FSTL5: variants seen among roughly 807,000 people sequenced by gnomAD.
The protein encoded by FSTL5 is follistatin-related protein 5.
In FSTL5, 62 loss-of-function variants were observed where a neutral mutation model predicts 89.1. The ratio of observed to expected loss-of-function variants is 0.70; its 90% CI spans 0.57 to 0.86. FSTL5 has a LOEUF of 0.86. Ranked by LOEUF, FSTL5 falls within the 40% of genes least tolerant of loss-of-function variation. The pLI is 0.00. For synonymous variants in FSTL5, 383 were observed against 346.2 expected, an observed-to-expected ratio of 1.11 and a Z score of -1.18; for missense variants, 1,057 against 1,001.6, an observed-to-expected ratio of 1.06 and a Z score of -0.75.
chr4:161,572,864 T>G (rs1006269351), intron 8 of FSTL5, among the ~76,000 whole-genome samples: 3 of 152,242 alleles, frequency 2.0e-5, no homozygotes, highest in Non-Finnish European at 4.4e-5. Flanking sequence ...GGATATGGTT[T>G]AAACTGCTAC....
At chr4:162,043,072 T>C (rs924417545) in intron 2 of FSTL5, 5 of 151,954 alleles carry the variant, frequency 3.3e-5, no homozygotes, top group Admixed American at 6.6e-5. Flanking sequence ...AATGTGCACA[T>C]GTACCCTAAA....
intron 3 of FSTL5, among the ~76,000 whole-genome samples, chr4:161,950,259 T>C (rs1393239249): frequency 2.0e-5 from 3 of 152,178 alleles, no homozygotes; most frequent in Non-Finnish European, 4.4e-5. Flanking sequence ...TTCTTTAGAA[T>C]GTTTTAACAT....
chr4:161,808,398 T>C (rs1579107258), intron 4 of FSTL5, among the ~76,000 whole-genome samples: 1 of 152,156 alleles, frequency 6.6e-6, no homozygotes, highest in Non-Finnish European at 1.5e-5. Context: ...CTCATGTTCA[T>C]AGCATTATTC....
chr4:162,155,222 C>T (rs906859115), intron 1 of FSTL5, among the ~76,000 whole-genome samples: 2 of 152,158 alleles, frequency 1.3e-5, no homozygotes, highest in East Asian at 3.9e-4. Flanking sequence ...GGAGATTACC[C>T]TAGCTGGCCC....
chr4:161,653,760 T>C (rs1398547332), intron 7 of FSTL5, among the ~76,000 whole-genome samples: 2 of 152,194 alleles, frequency 1.3e-5, no homozygotes, highest in African/African-American at 4.8e-5. Context: ...CATCAAAATG[T>C]ATTTTCATAA....
chr4:161,686,576 G>A (rs1005883163), intron 6 of FSTL5, among the ~76,000 whole-genome samples: 31 of 150,470 alleles, frequency 2.1e-4, no homozygotes, highest in African/African-American at 6.6e-4. Context: ...TATCCAGGAC[G>A]GTCTCGATCT....
chr4:162,059,062 T>C (rs1189034091), intron 2 of FSTL5, among the ~76,000 whole-genome samples: 1 of 152,066 alleles, frequency 6.6e-6, no homozygotes, highest in Non-Finnish European at 1.5e-5. Flanking sequence ...AAGGCAGAAA[T>C]CCCACAACAT....
chr4:162,062,124 T>C (rs1244043516), intron 2 of FSTL5, among the ~76,000 whole-genome samples: 3 of 151,750 alleles, frequency 2.0e-5, no homozygotes, highest in Non-Finnish European at 4.4e-5. Flanking sequence ...ACATATATTA[T>C]ATGACAATAA....
chr4:161,567,292 A>G (rs1732851712), intron 8 of FSTL5, among the ~76,000 whole-genome samples: 1 of 152,152 alleles, frequency 6.6e-6, no homozygotes, highest in South Asian at 2.1e-4. Flanking sequence ...AATAAAATTT[A>G]TTTTTAAAAC....
At chr4:161,974,019 G>C (rs1735560705) in intron 3 of FSTL5, among the ~76,000 whole-genome samples, 1 of 152,078 alleles carries the variant, frequency 6.6e-6, no homozygotes, top group Admixed American at 6.6e-5. Flanking sequence ...TTGCTTCAAA[G>C]AGAATACAAT....
Position 161,411,059 on chromosome 4 carries a change from T to A in FSTL5, c.1842-24610A>T, listed in dbSNP as rs1171888618. Among the ~76,000 whole-genome samples, 13 of 144,046 alleles carry A rather than the reference T, an allele frequency of 9.0e-5. No homozygotes were observed. In the East Asian group the frequency reaches 2.6e-3, roughly 29 times the overall value. The allele number at this position is 144,046 out of a possible 152,430, so 94.5% of individuals were successfully genotyped here. ...TACAAAAGATCCTCAGAGACTACTA[T>A]GAACAACTCTATGCACAGAAATTCT... On this transcript the variant is annotated intron_variant, in intron 15 of 15. Coordinates refer to ENST00000306100, the MANE Select transcript of FSTL5 (RefSeq NM_020116.5).
At chr4:161,929,323 T>C (rs1734216110) in intron 3 of FSTL5, among the ~76,000 whole-genome samples, 1 of 151,490 alleles carries the variant, frequency 6.6e-6, no homozygotes. Flanking sequence ...CCATCACTCT[T>C]TTTTTGTCTT....
At chr4:161,751,962 A>G (rs896555057) in intron 6 of FSTL5, among the ~76,000 whole-genome samples, 3 of 152,180 alleles carry the variant, frequency 2.0e-5, no homozygotes, top group African/African-American at 7.2e-5. Context: ...AACATTATAT[A>G]ACACAATGAT....
intron 4 of FSTL5, among the ~76,000 whole-genome samples, chr4:161,826,847 A>C (rs983006710): frequency 6.6e-6 from 1 of 152,180 alleles, no homozygotes; most frequent in African/African-American, 2.4e-5. Flanking sequence ...CCATTCTGCC[A>C]TTCTTTATCT....
chr4:161,505,001 C>G (rs1194317278), intron 11 of FSTL5, among the ~76,000 whole-genome samples: 1 of 151,884 alleles, frequency 6.6e-6, no homozygotes, highest in Non-Finnish European at 1.5e-5. Context: ...TATTATAGTC[C>G]ATGAGAAGTT....
chr4:161,694,512 T>C (rs1738068637), intron 6 of FSTL5, among the ~76,000 whole-genome samples: 2 of 152,138 alleles, frequency 1.3e-5, no homozygotes, highest in Non-Finnish European at 2.9e-5. Context: ...CATACCCTGC[T>C]TTTCATTATT....
intron 8 of FSTL5, among the ~76,000 whole-genome samples, chr4:161,563,191 TTATC>T (rs1451041114): frequency 3.3e-5 from 5 of 151,992 alleles, no homozygotes; most frequent in Admixed American, 6.6e-5. Flanking sequence ...ACTTCTCCAT[TTATC>T]TATCAACAAA....
chr4:161,537,334 C>A (rs1318439968), intron 10 of FSTL5, among the ~76,000 whole-genome samples: 1 of 152,060 alleles, frequency 6.6e-6, no homozygotes, highest in Admixed American at 6.6e-5. Context: ...GAGCAGAGAA[C>A]AAGGGGAGTA....
intron 7 of FSTL5, among the ~76,000 whole-genome samples, chr4:161,593,010 A>G (rs138950296): frequency 1.6e-4 from 25 of 152,276 alleles, no homozygotes; most frequent in African/African-American, 5.5e-4. Flanking sequence ...ATTTGCTCTG[A>G]GGATTTACCT....
Sources: gnomAD v4.1 joint callset for allele counts (sites outside exome capture counted in the v4.1 genomes callset) on GRCh38, gnomAD v4.1.1 for gene constraint, MANE v1.5 for transcripts, NCBI Gene and HGNC (gene_info 2026-07-23, HGNC 2026-07-21) for gene names.